Variants in LITAF observed in about 807,000 individuals in gnomAD.
The protein encoded by LITAF is lipopolysaccharide-induced tumor necrosis factor-alpha factor.
Under a neutral mutation model 14.5 loss-of-function variants are expected in LITAF, and 9 were observed. The observed-to-expected ratio is 0.62, with a 90% CI of 0.37 to 1.08. The LOEUF (loss-of-function observed/expected upper bound fraction) is 1.08, where lower values mean the gene tolerates loss of function less well. LITAF is among the 50% of genes least tolerant of loss of function. The probability of loss-of-function intolerance (pLI) is 0.01; values close to 1 mark genes in which losing one functional copy is unlikely to be tolerated. For missense variants in LITAF, 206 were observed against 213.4 expected (o/e 0.97, Z 0.22); for synonymous variants, 98 against 88.2 (o/e 1.11, Z -0.62).
intron 3 of LITAF, among the ~76,000 whole-genome samples, chr16:11,618,070 C>T (rs2065028903): frequency 6.6e-6 from 1 of 152,096 alleles, no homozygotes; most frequent in Non-Finnish European, 1.5e-5. Flanking sequence ...GAGATGGGGT[C>T]TCACTATGTT....
chr16:11,564,691 G>T (rs1187104860), intron 1 of LITAF, among the ~76,000 whole-genome samples: 3 of 152,062 alleles, frequency 2.0e-5, no homozygotes, highest in Admixed American at 6.6e-5. Context: ...AAATGCAAAG[G>T]AAAAGATCAG....
rs931673732 is a variant in LITAF, at chr16:11,605,177, G to C, written c.85+28356C>G. The stretch of plus-strand genomic sequence containing the variant: ...TCCACTGTGCAAACAGGGAGCCCAA[G>C]CTCTCAGCATCCCCCCAGCCAGCTC... On this transcript the variant is annotated intron_variant, in intron 3 of 3. Coordinates refer to the LITAF transcript ENST00000574848. The surrounding 1 kb of genome is among the most constrained non-coding windows in gnomAD (Gnocchi z 4.7). Among the ~76,000 whole-genome samples the C allele has an allele frequency of 6.6e-6, 1 of 152,112 alleles. No individual in the cohort carries two copies. Among genetic ancestry groups the C allele is most frequent in the East Asian group, 1.9e-4 (1 of 5,196 alleles).
chr16:11,587,612 C>T (rs1452397984), upstream of LITAF: 8 of 254,468 alleles, frequency 3.1e-5, no homozygotes, highest in Admixed American at 3.4e-4. Context: ...CCGCTTTGTG[C>T]CCCCAGGGTG....
intron 3 of LITAF, among the ~76,000 whole-genome samples, chr16:11,610,647 A>G (rs1167531488): frequency 6.6e-6 from 1 of 152,168 alleles, no homozygotes; most frequent in Admixed American, 6.5e-5. Context: ...TAAGAGGAAA[A>G]AAACCATCGC....
chr16:11,628,033 A>C (rs1189164160), intron 3 of LITAF, among the ~76,000 whole-genome samples: 4 of 147,342 alleles, frequency 2.7e-5, no homozygotes, highest in Admixed American at 6.8e-5. Flanking sequence ...AAAAAAAAAA[A>C]CAAGGCCTGT....
intron 3 of LITAF, among the ~76,000 whole-genome samples, chr16:11,631,868 T>G (rs1407327484): frequency 6.6e-6 from 1 of 150,982 alleles, no homozygotes; most frequent in East Asian, 1.9e-4. Context: ...TTTTTTTTTT[T>G]GAGACGGAGT....
chr16:11,596,452 AGAG>A (rs75949027), intron 1 of LITAF, among the ~76,000 whole-genome samples: 3 of 80,350 alleles, frequency 3.7e-5, no homozygotes, highest in African/African-American at 2.0e-4. Flanking sequence ...AAATCCCAAT[AGAG>A]GAGGAGGAGG....
chr16:11,563,331 G>A lies in LITAF; in HGVS notation c.-5-6596C>T, dbSNP rs568183230. 1.1e-3 allele frequency among the ~76,000 whole-genome samples: 170 copies of A among 152,082 alleles called. 1 individual carries two copies. Among genetic ancestry groups the A allele is most frequent in the African/African-American group, 3.9e-3 (161 of 41,500 alleles). The stretch of plus-strand genomic sequence containing the variant: ...GCCCAGCTAATTTTTGTATTTTTTA[G>A]TAGAGACAGGGTTTCACCATGTTGG... On this transcript the variant is annotated intron_variant, in intron 1 of 3. Coordinates refer to ENST00000622633, the MANE Select transcript of LITAF (RefSeq NM_001136472.2).
At chr16:11,619,629 T>C (rs1293859531) in intron 3 of LITAF, among the ~76,000 whole-genome samples, 5 of 151,364 alleles carry the variant, frequency 3.3e-5, no homozygotes, top group African/African-American at 9.7e-5. Flanking sequence ...TGCAGTGGTA[T>C]GATCATAGCT....
intron 3 of LITAF, among the ~76,000 whole-genome samples, chr16:11,552,346 T>G (rs908454297): frequency 4.8e-4 from 73 of 152,218 alleles, no homozygotes; most frequent in African/African-American, 1.6e-3. Context: ...CTGTTATCTC[T>G]TTAAACATAA....
intron 3 of LITAF, among the ~76,000 whole-genome samples, chr16:11,609,550 T>C (rs2064971650): frequency 6.6e-6 from 1 of 152,126 alleles, no homozygotes; most frequent in Non-Finnish European, 1.5e-5. Context: ...TTGTCCGGTA[T>C]GTAAATTACG....
chr16:11,595,368 G>A (rs575511890), intron 1 of LITAF, among the ~76,000 whole-genome samples: 91 of 152,264 alleles, frequency 6.0e-4, no homozygotes, highest in African/African-American at 2.0e-3. Context: ...CCAAGATGGA[G>A]CTGAAACGGG....
intron 1 of LITAF, among the ~76,000 whole-genome samples, chr16:11,564,630 C>T (rs1567241736): frequency 6.6e-6 from 1 of 151,470 alleles, no homozygotes; most frequent in Non-Finnish European, 1.5e-5. Flanking sequence ...GGGAAAACCA[C>T]GTTCATGATT....
chr16:11,568,459 A>T (rs2064490571), intron 1 of LITAF, among the ~76,000 whole-genome samples: 1 of 152,034 alleles, frequency 6.6e-6, no homozygotes, highest in Non-Finnish European at 1.5e-5. Flanking sequence ...CCACTTGTTC[A>T]ATGGGGACAA....
chr16:11,604,705 T>C lies in LITAF; in HGVS notation c.85+28828A>G, dbSNP rs552748386. On this transcript the variant is annotated intron_variant, in intron 3 of 3. Transcript: ENST00000574848. ...GGTGGCCACAGTTGTGTCACCTGGA[T>C]GGTTCCCTATTATAAAATGTCACTG... 2.0e-5 allele frequency among the ~76,000 whole-genome samples: 3 copies of C among 150,386 alleles called. No individual in the cohort carries two copies. The East Asian group carries it at 5.8e-4, about 29-fold the overall frequency.
rs1179717433 is a variant in LITAF at position 11,617,504 on chromosome 16, G to A, written c.85+16029C>T. Among the ~76,000 whole-genome samples the A allele has an allele frequency of 2.2e-4, 29 of 132,386 alleles. No homozygotes were observed. In the Admixed American group the frequency reaches 2.9e-3, roughly 13 times the overall value. 86.9% of individuals were successfully genotyped at this position (132,386 alleles called of 152,430 possible). ...CTGGAGTGGAGTGGCACAACTCACT[G>A]CAACTTCTGCCTCCCGGGTTCAAGG... On this transcript the variant is annotated intron_variant, in intron 3 of 3. Transcript: ENST00000574848.
At chr16:11,565,342 CA>C (rs1427989123) in intron 1 of LITAF, among the ~76,000 whole-genome samples, 18 of 150,864 alleles carry the variant, frequency 1.2e-4, no homozygotes, top group Admixed American at 5.4e-4. Flanking sequence ...CTCAGCCGCC[CA>C]AAGTGCTGGG....
upstream of LITAF, among the ~76,000 whole-genome samples, chr16:11,598,689 C>T (rs1250045083): frequency 5.9e-5 from 9 of 152,104 alleles, no homozygotes; most frequent in African/African-American, 2.2e-4. Context: ...TCTTTCGCAG[C>T]GGCCACAGGA....
chr16:11,614,382 C>G (rs1430441534), intron 3 of LITAF, among the ~76,000 whole-genome samples: 3 of 151,206 alleles, frequency 2.0e-5, no homozygotes, highest in Non-Finnish European at 4.4e-5. Context: ...TCACTGCAAC[C>G]TCCACCTCCC....
Sources: gnomAD v4.1 joint callset for allele counts (sites outside exome capture counted in the v4.1 genomes callset) on GRCh38, gnomAD v4.1.1 for gene constraint, Gnocchi (gnomAD v3.1) non-coding constraint, MANE v1.5 for transcripts, NCBI Gene and HGNC (gene_info 2026-07-23, HGNC 2026-07-21) for gene names.